PRKG1: variants seen among roughly 807,000 people sequenced by gnomAD.
PRKG1 encodes the protein cGMP-dependent protein kinase 1.
A neutral mutation model predicts 88.1 loss-of-function variants in PRKG1; 35 were observed. The observed-to-expected ratio is 0.40, with a 90% confidence interval of 0.30 to 0.53. The LOEUF (loss-of-function observed/expected upper bound fraction) is 0.53. PRKG1 is among the 20% of genes least tolerant of loss of function. The pLI, the probability that PRKG1 is intolerant of heterozygous loss-of-function variation, is 0.59. For missense variants in PRKG1, 540 were observed against 839.8 expected, an observed-to-expected ratio of 0.64 and a Z score of 4.41; for synonymous variants, 303 against 292.5, an observed-to-expected ratio of 1.04 and a Z score of -0.37.
At chr10:51,759,286 A>G (rs924554239) in intron 3 of PRKG1, among the ~76,000 whole-genome samples, 2 of 150,962 alleles carry the variant, frequency 1.3e-5, no homozygotes, top group Non-Finnish European at 2.9e-5. Context: ...TTTTTTTTTG[A>G]GACGGAGTCT....
intron 2 of PRKG1, among the ~76,000 whole-genome samples, chr10:51,236,206 T>C (rs1316605293): frequency 1.3e-5 from 2 of 152,180 alleles, no homozygotes; most frequent in Non-Finnish European, 2.9e-5. Flanking sequence ...CCTAGATGGC[T>C]ACCTCATTGA....
rs398046339 is a variant in PRKG1, at chr10:51,765,815, A to ATT, written c.593-38746_593-38745dup. On this transcript the variant is annotated intron_variant, in intron 3 of 17. Coordinates refer to ENST00000373980, the MANE Select transcript of PRKG1 (RefSeq NM_006258.4). ...CCTAAGTATGCTGTTGCCTTACATG[A>ATT]TTTTTTTTTTTTTTTTTTTTTTTTT... Among the ~76,000 whole-genome samples the ATT allele has an allele frequency of 1.8e-3, 244 of 134,604 alleles. 1 individual carries two copies. The highest frequency in any genetic ancestry group is 3.8e-3 in the Middle Eastern group (1 of 262). 88.3% of individuals were successfully genotyped at this position (134,604 alleles called of 152,430 possible). A position where few individuals can be genotyped will look rare whatever the true frequency, so the allele number is the denominator to read the frequency against.
intron 7 of PRKG1, among the ~76,000 whole-genome samples, chr10:52,074,747 G>T (rs867699556): frequency 6.6e-6 from 1 of 152,108 alleles, no homozygotes; most frequent in African/African-American, 2.4e-5. Flanking sequence ...TAATTGGCTA[G>T]ATTCACTGTC....
At chr10:51,354,505 G>A (rs528113902) in intron 2 of PRKG1, among the ~76,000 whole-genome samples, 12 of 151,956 alleles carry the variant, frequency 7.9e-5, no homozygotes, top group Non-Finnish European at 1.8e-4. Context: ...TCAATAAATT[G>A]AGATTTAAAA....
chr10:52,202,948 T>C lies in PRKG1; in HGVS notation c.1076+40985T>C, dbSNP rs185427605. 2.2e-3 allele frequency among the ~76,000 whole-genome samples: 338 copies of C among 152,164 alleles called. 1 individual carries two copies. Among genetic ancestry groups the C allele is most frequent in the African/African-American group, 7.1e-3 (296 of 41,566 alleles). On this transcript the variant is annotated intron_variant, in intron 9 of 17. Transcript: ENST00000373980. Reference sequence around the variant, plus strand: ...TAGCTAGTGGTCTATCATTCTTATTTATTCTTTCAAAGAACTAACTTCTGG... The same window carrying C: ...TAGCTAGTGGTCTATCATTCTTATTCATTCTTTCAAAGAACTAACTTCTGG...
At chr10:52,206,895 A>T (rs1372992656) in intron 9 of PRKG1, among the ~76,000 whole-genome samples, 1 of 152,208 alleles carries the variant, frequency 6.6e-6, no homozygotes, top group Non-Finnish European at 1.5e-5. Context: ...TGGCTTTTGC[A>T]TGCCAGCAGC....
intron 5 of PRKG1, among the ~76,000 whole-genome samples, chr10:51,962,426 A>G (rs1843469242): frequency 6.6e-6 from 1 of 152,140 alleles, no homozygotes; most frequent in South Asian, 2.1e-4. Context: ...AATAATAAAT[A>G]CAAATAGGAT....
At chr10:51,077,127 A>C (rs1032630654) in intron 1 of PRKG1, among the ~76,000 whole-genome samples, 3 of 152,214 alleles carry the variant, frequency 2.0e-5, no homozygotes, top group African/African-American at 7.2e-5. Flanking sequence ...AATAAATCTT[A>C]TGTTGTTTGA....
chr10:52,264,543 T>A (rs998027390), intron 10 of PRKG1, among the ~76,000 whole-genome samples: 6 of 152,128 alleles, frequency 3.9e-5, no homozygotes, highest in Non-Finnish European at 1.5e-5. Flanking sequence ...TCTGGATTAC[T>A]TACAAAGACT....
intron 7 of PRKG1, among the ~76,000 whole-genome samples, chr10:52,079,352 C>A (rs952488019): frequency 6.6e-6 from 1 of 152,036 alleles, no homozygotes; most frequent in African/African-American, 2.4e-5. Context: ...GCAGTAGGAC[C>A]CCTGCCCGAA....
chr10:51,804,490 C>G (rs1047121334), intron 3 of PRKG1, 95 bp from the exon 4 acceptor site: 13 of 791,856 alleles, frequency 1.6e-5, no homozygotes, highest in Admixed American at 4.5e-5. Context: ...TTTCATGATT[C>G]TCATGAATAG....
chr10:51,120,642 G>T (rs1845239351), intron 1 of PRKG1, among the ~76,000 whole-genome samples: 1 of 152,006 alleles, frequency 6.6e-6, no homozygotes, highest in Admixed American at 6.6e-5. Flanking sequence ...TAATGGACTT[G>T]GTATACTTGA....
chr10:51,037,849 A>G (rs984383963), intron 1 of PRKG1, among the ~76,000 whole-genome samples: 2 of 152,174 alleles, frequency 1.3e-5, no homozygotes, highest in African/African-American at 4.8e-5. Context: ...TACAAAGTGT[A>G]CATTCAAAGG....
chr10:51,008,871 C>T (rs1466659637), intron 1 of PRKG1, among the ~76,000 whole-genome samples: 1 of 152,164 alleles, frequency 6.6e-6, no homozygotes, highest in African/African-American at 2.4e-5. Flanking sequence ...GAGGCTTTTT[C>T]ACCTGCCATT....
At chr10:51,458,994 G>A (rs943020065) in intron 2 of PRKG1, among the ~76,000 whole-genome samples, 7 of 152,030 alleles carry the variant, frequency 4.6e-5, no homozygotes, top group African/African-American at 1.7e-4. Flanking sequence ...AAATTTAGAT[G>A]AAATTGGATT....
At chr10:51,202,763 TTGTC>T (rs1181521972) in intron 2 of PRKG1, among the ~76,000 whole-genome samples, 6 of 152,168 alleles carry the variant, frequency 3.9e-5, no homozygotes. Flanking sequence ...GTAGGCCACT[TTGTC>T]TGGGAAAGAA....
intron 2 of PRKG1, among the ~76,000 whole-genome samples, chr10:51,375,750 G>T (rs544702319): frequency 1.6e-5 from 2 of 124,574 alleles, no homozygotes; most frequent in African/African-American, 6.4e-5. Context: ...ATGAGTGTTG[G>T]TGGTGGGGGG....
chr10:52,094,762 G>A (rs1847135405), intron 7 of PRKG1, among the ~76,000 whole-genome samples: 1 of 152,102 alleles, frequency 6.6e-6, no homozygotes. Context: ...AAGCTCTCTT[G>A]TTTCTTCTCT....
intron 5 of PRKG1, among the ~76,000 whole-genome samples, chr10:51,986,658 T>C (rs1330312184): frequency 6.6e-6 from 1 of 152,150 alleles, no homozygotes; most frequent in Non-Finnish European, 1.5e-5. Flanking sequence ...TCTAGACTTG[T>C]GTTATTTGAT....
Sources: allele counts gnomAD v4.1 joint callset (sites outside exome capture counted in the v4.1 genomes callset), GRCh38; gene constraint gnomAD v4.1.1; transcripts MANE v1.5; gene names NCBI Gene and HGNC (gene_info 2026-07-23, HGNC 2026-07-21).